MTNAP1: variants seen among roughly 807,000 people sequenced by gnomAD.
MTNAP1 encodes mitochondrial nucleoid associated protein 1.
chr17:73,242,888 T>C, the MTNAP1 span: 1 of 1,607,146 alleles, frequency 6.2e-7, no homozygotes, highest in Non-Finnish European at 8.5e-7. Context: ...GTGTTTCCTT[T>C]TGAACAGGCT....
chr17:73,240,601 A>G, the MTNAP1 span, among the ~76,000 whole-genome samples: 2 of 152,264 alleles, frequency 1.3e-5, no homozygotes, highest in African/African-American at 2.4e-5. Context: ...GCACAAGAGA[A>G]TGGGCTATAC....
the MTNAP1 span, chr17:73,245,127 T>C: frequency 6.3e-7 from 1 of 1,595,898 alleles, no homozygotes; most frequent in Non-Finnish European, 8.6e-7. Context: ...TCATTGGAAG[T>C]GGCCTCTCGG....
chr17:73,244,247 C>T, the MTNAP1 span, among the ~76,000 whole-genome samples: 1 of 152,050 alleles, frequency 6.6e-6, no homozygotes, highest in African/African-American at 2.4e-5. Flanking sequence ...AATTTTTGTG[C>T]TGGTTTTTGT....
the MTNAP1 span, among the ~76,000 whole-genome samples, chr17:73,237,458 A>G: frequency 6.6e-6 from 1 of 152,106 alleles, no homozygotes; most frequent in Non-Finnish European, 1.5e-5. Context: ...TTGTCCTGAA[A>G]ACATTACTTC....
chr17:73,242,795 C>T, the MTNAP1 span: 3 of 811,310 alleles, frequency 3.7e-6, no homozygotes, highest in South Asian at 1.7e-5. Context: ...CTCTGAATTA[C>T]AGTTCCATCA....
the MTNAP1 span, among the ~76,000 whole-genome samples, chr17:73,234,863 T>C: frequency 6.6e-6 from 1 of 151,726 alleles, no homozygotes; most frequent in African/African-American, 2.4e-5. Context: ...TAATATTTTC[T>C]TCTTACACCC....
the MTNAP1 span, chr17:73,236,805 G>T: frequency 6.2e-7 from 1 of 1,614,108 alleles, no homozygotes; most frequent in East Asian, 2.2e-5. Context: ...ACACTCCTCA[G>T]AGCCCCTTCA....
chr17:73,236,737 A>G, the MTNAP1 span: 2 of 1,614,166 alleles, frequency 1.2e-6, no homozygotes, highest in Admixed American at 3.3e-5. Context: ...CAAATCTGAT[A>G]GTCAGTTCCA....
chr17:73,243,132 G>A, the MTNAP1 span: 2 of 742,332 alleles, frequency 2.7e-6, no homozygotes, highest in Non-Finnish European at 4.6e-6. Flanking sequence ...ATGCCCTGGT[G>A]AATGAGCTAT....
At chr17:73,236,613 C>T in the MTNAP1 span, 1 of 1,614,188 alleles carries the variant, frequency 6.2e-7, no homozygotes, top group East Asian at 2.2e-5. Flanking sequence ...AAAGTCTTGC[C>T]TCTCTAGCTA....
the MTNAP1 span, chr17:73,236,277 TAC>T: frequency 5.3e-5 from 86 of 1,614,056 alleles, no homozygotes; most frequent in Middle Eastern, 3.3e-4. Context: ...CTACTGATGT[TAC>T]AGTTACTGAG....
At chr17:73,242,937 G>A in the MTNAP1 span, 12 of 1,613,820 alleles carry the variant, frequency 7.4e-6, no homozygotes, top group East Asian at 2.2e-5. Context: ...GAGTGGATTC[G>A]GTGGCATCAC....
chr17:73,242,444 AG>A, the MTNAP1 span: 3 of 804,634 alleles, frequency 3.7e-6, no homozygotes, highest in Non-Finnish European at 5.9e-6. Context: ...TAAAGAGGAG[AG>A]GAAAAAAATG....
At chr17:73,238,248 T>C in the MTNAP1 span, among the ~76,000 whole-genome samples, 7 of 151,482 alleles carry the variant, frequency 4.6e-5, no homozygotes, top group East Asian at 1.4e-3. Flanking sequence ...TAAGCTTTTC[T>C]AGGGGCAGGG....
chr17:73,245,246 C>T, the MTNAP1 span: 26 of 1,605,176 alleles, frequency 1.6e-5, no homozygotes, highest in Admixed American at 5.1e-5. Flanking sequence ...ACAGTGGAGA[C>T]GACTGCAATA....
At chr17:73,242,871 A>G in the MTNAP1 span, 4 of 1,593,238 alleles carry the variant, frequency 2.5e-6, no homozygotes, top group Non-Finnish European at 3.4e-6. Context: ...TGCTGTAACA[A>G]CAAGCCGTGT....
chr17:73,239,073 G>A, the MTNAP1 span, among the ~76,000 whole-genome samples: 1 of 152,066 alleles, frequency 6.6e-6, no homozygotes, highest in Non-Finnish European at 1.5e-5. Flanking sequence ...AAGTAGCTGG[G>A]ATACAGGTAT....
chr17:73,243,480 G>A, the MTNAP1 span, among the ~76,000 whole-genome samples: 1 of 151,448 alleles, frequency 6.6e-6, no homozygotes, highest in African/African-American at 2.4e-5. Flanking sequence ...TAGAGGCTTG[G>A]TTGTAATGGC....
chr17:73,245,469 T>C, the MTNAP1 span: 11 of 1,112,828 alleles, frequency 9.9e-6, no homozygotes, highest in Non-Finnish European at 1.2e-5. Context: ...CATAAAGTTG[T>C]TATTCAAGGA....
Sources: allele counts gnomAD v4.1 joint callset (sites outside exome capture counted in the v4.1 genomes callset), GRCh38; gene constraint gnomAD v4.1.1; transcripts MANE v1.5; gene names NCBI Gene and HGNC (gene_info 2026-07-23, HGNC 2026-07-21).